PBRM1: variants seen among roughly 807,000 people sequenced by gnomAD.
The protein encoded by PBRM1 is protein polybromo-1.
Under a neutral mutation model 194.5 loss-of-function variants are expected in PBRM1, and 27 were observed. That is an observed-to-expected ratio of 0.14 (90% confidence interval 0.10 to 0.19). PBRM1 has a LOEUF of 0.19. Ranked by LOEUF, PBRM1 falls within the 10% of genes least tolerant of loss-of-function variation. The pLI is 1.00. For synonymous variants in PBRM1, 655 were observed against 693.2 expected, an observed-to-expected ratio of 0.94 and a Z score of 0.87; for missense variants, 1,466 against 2,077.2, an observed-to-expected ratio of 0.71 and a Z score of 5.72.
intron 3 of PBRM1, among the ~76,000 whole-genome samples, chr3:52,663,253 G>A (rs1041039992): frequency 6.6e-6 from 1 of 152,108 alleles, no homozygotes; most frequent in African/African-American, 2.4e-5. Context: ...GGCTTCTCTG[G>A]GCAGCGAGGA....
intron 17 of PBRM1, among the ~76,000 whole-genome samples, chr3:52,593,047 T>G (rs2093246742): frequency 6.6e-6 from 1 of 152,196 alleles, no homozygotes; most frequent in Non-Finnish European, 1.5e-5. Flanking sequence ...ATTTTTTCTC[T>G]TCTTCATTAT....
intron 22 of PBRM1, among the ~76,000 whole-genome samples, chr3:52,564,677 A>G (rs1357778744): frequency 6.6e-6 from 1 of 151,998 alleles, no homozygotes; most frequent in Admixed American, 6.6e-5. Context: ...ATATAATACA[A>G]TATGTATTGG....
At chr3:52,575,607 CCTCT>C (rs1397328529) in intron 22 of PBRM1, among the ~76,000 whole-genome samples, 50 of 146,454 alleles carry the variant, frequency 3.4e-4, no homozygotes, top group African/African-American at 1.1e-3. Flanking sequence ...TCTGCCTCTG[CCTCT>C]GCCTCTGCCT....
At chr3:52,569,928 A>G (rs898268057) in intron 22 of PBRM1, among the ~76,000 whole-genome samples, 1 of 152,142 alleles carries the variant, frequency 6.6e-6, no homozygotes, top group Non-Finnish European at 1.5e-5. Flanking sequence ...CTCTAGAACA[A>G]TGTTAAATAA....
At chr3:52,583,611 C>T (rs2091828111) in intron 20 of PBRM1, among the ~76,000 whole-genome samples, 1 of 152,082 alleles carries the variant, frequency 6.6e-6, no homozygotes, top group African/African-American at 2.4e-5. Flanking sequence ...TGTAGTCCTA[C>T]TTTCCCCCCT....
chr3:52,666,143 A>G (rs1272712720), intron 3 of PBRM1, among the ~76,000 whole-genome samples: 3 of 152,214 alleles, frequency 2.0e-5, no homozygotes, highest in Non-Finnish European at 4.4e-5. Flanking sequence ...AAACTGAGCA[A>G]GGTGGTGTGT....
intron 17 of PBRM1, among the ~76,000 whole-genome samples, chr3:52,596,289 T>G (rs541335248): frequency 6.6e-6 from 1 of 150,940 alleles, no homozygotes; most frequent in East Asian, 2.0e-4. Flanking sequence ...AATATAAAAA[T>G]TAGCTGGGTT....
At chr3:52,591,680 C>T (rs942979465) in intron 17 of PBRM1, among the ~76,000 whole-genome samples, 5 of 151,144 alleles carry the variant, frequency 3.3e-5, no homozygotes, top group African/African-American at 7.3e-5. Context: ...CCACCATGCC[C>T]GGCTAATTTT....
In PBRM1 at chr3:52,676,134, A is replaced by T. The variant is rs1163736081; in HGVS notation, c.236+2366T>A. Among the ~76,000 whole-genome samples the T allele has an allele frequency of 1.1e-4, 15 of 134,242 alleles. 3 individuals are homozygous for T. The highest frequency in any genetic ancestry group is 2.9e-4 in the Admixed American group (4 of 13,564). The allele number at this position is 134,242 out of a possible 152,430, so 88.1% of individuals were successfully genotyped here. A position where few individuals can be genotyped will look rare whatever the true frequency, so the allele number is the denominator to read the frequency against. ...CGTCTCAAAAAAAAAAAAAAAAAAA[A>T]AAAAAAAAAAAAAAAAAATAATGAA... is the stretch of plus-strand genomic sequence containing the variant. On this transcript the variant is annotated intron_variant, in intron 2 of 29. Coordinates refer to ENST00000296302, the Ensembl canonical transcript of PBRM1.
intron 10 of PBRM1, among the ~76,000 whole-genome samples, chr3:52,637,816 G>A (rs886315139): frequency 1.5e-5 from 2 of 130,468 alleles, no homozygotes; most frequent in Non-Finnish European, 3.5e-5. Context: ...GCATGGTGAC[G>A]GGCTCCTATA....
upstream of PBRM1, chr3:52,679,867 TTTTTTTTTAAGCCCTGGAC>T: frequency 7.8e-6 from 4 of 509,650 alleles, no homozygotes; most frequent in Admixed American, 1.2e-4. Context: ...TAAGTTTTTT[TTTTTTTTTAAGCCCTGGAC>T]TTCCTTGTTT....
intron 2 of PBRM1, among the ~76,000 whole-genome samples, chr3:52,671,884 C>G (rs1203708890): frequency 2.0e-5 from 3 of 152,202 alleles, no homozygotes; most frequent in African/African-American, 7.2e-5. Context: ...GCCTCCAGTT[C>G]AACTTAGAGC....
intron 2 of PBRM1, among the ~76,000 whole-genome samples, chr3:52,673,059 C>T (rs1168457968): frequency 6.6e-6 from 1 of 151,818 alleles, no homozygotes; most frequent in Non-Finnish European, 1.5e-5. Flanking sequence ...GCAATCTCAG[C>T]TCACTGCAAC....
rs2082649250 is a variant in PBRM1 at position 52,558,231 on chromosome 3, C to T, written c.4453+18G>A. Reference sequence around the variant, plus strand: ...ATTTCTTAAAGTGGAAAAAAATGGTCTTAGCTCCTGTTTTTACCTGCAACA... The same window carrying T: ...ATTTCTTAAAGTGGAAAAAAATGGTTTTAGCTCCTGTTTTTACCTGCAACA... On this transcript the variant is annotated intron_variant, in intron 26 of 29. Coordinates refer to ENST00000296302, the Ensembl canonical transcript of PBRM1. 1.3e-6 allele frequency: 2 copies of T among 1,495,840 alleles called. No individual in the cohort carries two copies. The highest frequency in any genetic ancestry group is 1.8e-6 in the Non-Finnish European group (2 of 1,117,352). The allele number at this position is 1,495,840 out of a possible 1,614,324, so 92.7% of individuals were successfully genotyped here. A position where few individuals can be genotyped will look rare whatever the true frequency, so the allele number is the denominator to read the frequency against.
At chr3:52,600,631 CT>C (rs1379602653) in intron 17 of PBRM1, among the ~76,000 whole-genome samples, 1 of 151,824 alleles carries the variant, frequency 6.6e-6, no homozygotes, top group African/African-American at 2.4e-5. Context: ...AATTATTTTC[CT>C]GGAATCTGAT....
intron 17 of PBRM1, among the ~76,000 whole-genome samples, chr3:52,593,297 G>C (rs2093272912): frequency 6.6e-6 from 1 of 151,994 alleles, no homozygotes; most frequent in African/African-American, 2.4e-5. Flanking sequence ...CTGTCACCCA[G>C]GCTGCAGTGC....
downstream of PBRM1, chr3:52,547,179 C>T (rs2079789305): frequency 4.3e-6 from 1 of 232,846 alleles, no homozygotes; most frequent in Admixed American, 5.6e-5. Flanking sequence ...AATTTTAAAT[C>T]ATCTGAAATT....
At chr3:52,662,654 C>T (rs964053152) in intron 3 of PBRM1, among the ~76,000 whole-genome samples, 17 of 151,946 alleles carry the variant, frequency 1.1e-4, no homozygotes, top group African/African-American at 4.1e-4. Flanking sequence ...GGTGAAACCC[C>T]GTCTCTACTA....
chr3:52,549,532 C>CA (rs1444286579), intron 29 of PBRM1, among the ~76,000 whole-genome samples: 3 of 152,004 alleles, frequency 2.0e-5, no homozygotes, highest in Non-Finnish European at 2.9e-5. Flanking sequence ...AAACAACAAA[C>CA]AAAAAACAAT....
Sources: allele counts gnomAD v4.1 joint callset (sites outside exome capture counted in the v4.1 genomes callset), GRCh38; gene constraint gnomAD v4.1.1; transcripts MANE v1.5; gene names NCBI Gene and HGNC (gene_info 2026-07-23, HGNC 2026-07-21).